CLCN3: variants seen among roughly 807,000 people sequenced by gnomAD.
CLCN3 encodes the protein H(+)/Cl(-) exchange transporter 3.
Under a neutral mutation model 83.4 loss-of-function variants are expected in CLCN3, and 16 were observed. The ratio of observed to expected loss-of-function variants is 0.19; its 90% CI spans 0.13 to 0.29. The LOEUF is 0.29. Among genes scored for constraint, CLCN3 ranks in the 10% least tolerant of loss-of-function variants. The probability of loss-of-function intolerance (pLI) is 1.00; values close to 1 mark genes in which losing one functional copy is unlikely to be tolerated. For missense variants in CLCN3, 544 were observed against 1,006.0 expected, an observed-to-expected ratio of 0.54 and a Z score of 6.21; for synonymous variants, 322 against 346.2, an observed-to-expected ratio of 0.93 and a Z score of 0.78.
At chr4:169,686,115 T>C (rs1315007799) in intron 3 of CLCN3, among the ~76,000 whole-genome samples, 2 of 151,982 alleles carry the variant, frequency 1.3e-5, no homozygotes, top group African/African-American at 4.8e-5. Flanking sequence ...TAGGTGGGAA[T>C]TGAACAATGA....
At chr4:169,691,949 T>C (rs1457796368) in intron 6 of CLCN3, among the ~76,000 whole-genome samples, 165 bp from the exon 7 acceptor site, 1 of 152,200 alleles carries the variant, frequency 6.6e-6, no homozygotes, top group Non-Finnish European at 1.5e-5. Context: ...ATTTATTATA[T>C]GTAGCATAAT....
chr4:169,662,279 G>C (rs1731082979), intron 2 of CLCN3, among the ~76,000 whole-genome samples: 1 of 152,060 alleles, frequency 6.6e-6, no homozygotes. Flanking sequence ...CCCTTGATGA[G>C]ACTTATTCTA....
intron 2 of CLCN3, among the ~76,000 whole-genome samples, chr4:169,651,888 A>G (rs990204741): frequency 3.9e-5 from 6 of 152,178 alleles, no homozygotes; most frequent in African/African-American, 1.4e-4. Context: ...CATTGAAGTC[A>G]GTTTAGATGC....
intron 2 of CLCN3, among the ~76,000 whole-genome samples, chr4:169,671,583 C>A (rs112202884): frequency 0.091 from 13,886 of 152,134 alleles, 660 homozygotes; most frequent in African/African-American, 0.12. Context: ...CCTGCACATT[C>A]TGAACATGTA....
chr4:169,635,943 G>C lies in CLCN3; in HGVS notation c.15G>C (p.Gln5His). Residue 5 changes from glutamine (Q) to histidine (H), a missense_variant, in exon 2 of 13, where the codon CAG (glutamine) becomes CAC (histidine). By Grantham distance (24) the Gln-to-His change is conservative. Transcript: ENST00000513761. ...CAGACAGCTAAATGGAGTCTGAGCA[G>C]CTGTTCCATAGAGGCTACTATAGAA... MESE[Q>H]LFHRGYYRNS... 6.3e-7 allele frequency: 1 copy of C among 1,596,712 alleles called. No individual in the cohort carries two copies. The highest frequency in any genetic ancestry group is 8.5e-7 in the Non-Finnish European group (1 of 1,171,392).
At position 169,706,991 on chromosome 4, in the gene CLCN3, G is replaced by A. The variant is rs1303661798; in HGVS notation, c.1874G>A (p.Gly625Asp). The change falls in exon 11 of 13, where the codon GGC becomes GAC. Residue 625 changes from glycine (G) to aspartate (D), a missense_variant. This residue lies in a region of CLCN3 where 27 missense variants were observed against 100.2 expected (regional missense o/e 0.27). Coordinates refer to ENST00000513761, the MANE Select transcript of CLCN3 (RefSeq NM_001829.4). ...AGTAAATGGGTTGGAGATGCCTTTG[G>A]CAGGGAAGGCATTTATGAAGCACAC... is the stretch of plus-strand genomic sequence containing the variant. Reference protein sequence around the residue: ...MTSKWVGDAFGREGIYEAHIR... With the variant: ...MTSKWVGDAFDREGIYEAHIR... The A allele has an allele frequency of 6.8e-6, 11 of 1,614,118 alleles. No individual in the cohort carries two copies. Among genetic ancestry groups the A allele is most frequent in the Non-Finnish European group, 9.3e-6 (11 of 1,180,002 alleles).
chr4:169,720,303 C>T lies in CLCN3; in HGVS notation c.*306C>T. On this transcript the variant is annotated 3_prime_UTR_variant, in exon 13 of 13. Coordinates refer to ENST00000513761, the MANE Select transcript of CLCN3 (RefSeq NM_001829.4). Reference sequence around the variant, plus strand: ...CTGAGGATGTGCCTGATAGTGCAGGCTTGCGCCTCAACAGAGATGACAGCA... The same window carrying T: ...CTGAGGATGTGCCTGATAGTGCAGGTTTGCGCCTCAACAGAGATGACAGCA... The T allele has an allele frequency of 2.5e-6, 1 of 404,978 alleles. No homozygotes were observed. 25.1% of individuals were successfully genotyped at this position (404,978 alleles called of 1,614,324 possible). A position where few individuals can be genotyped will look rare whatever the true frequency, so the allele number is the denominator to read the frequency against.
At chr4:169,699,807 A>G (rs1377582944) in intron 9 of CLCN3, among the ~76,000 whole-genome samples, 2 of 152,148 alleles carry the variant, frequency 1.3e-5, no homozygotes. Context: ...ACTTAAACCC[A>G]GGAGGTGGAG....
intron 11 of CLCN3, among the ~76,000 whole-genome samples, chr4:169,711,983 G>T (rs1177712080): frequency 6.6e-6 from 1 of 150,500 alleles, no homozygotes; most frequent in African/African-American, 2.4e-5. Flanking sequence ...TTCCACCTCA[G>T]CCTCCCAATT....
At chr4:169,692,949 GT>G (rs1732426527) in intron 7 of CLCN3, among the ~76,000 whole-genome samples, 1 of 152,128 alleles carries the variant, frequency 6.6e-6, no homozygotes, top group Admixed American at 6.5e-5. Flanking sequence ...TTCCTCTGAT[GT>G]TTCCATATTG....
At chr4:169,636,735 G>GTTTTTTT (rs67900605) in intron 2 of CLCN3, among the ~76,000 whole-genome samples, 3 of 119,528 alleles carry the variant, frequency 2.5e-5, no homozygotes, top group African/African-American at 8.9e-5. Context: ...TCATTATTTG[G>GTTTTTTT]TTTTTTTTTT....
chr4:169,703,055 C>T (rs958677800), intron 9 of CLCN3, among the ~76,000 whole-genome samples: 8 of 152,170 alleles, frequency 5.3e-5, no homozygotes, highest in Non-Finnish European at 1.0e-4. Context: ...TCACTTTCTT[C>T]TATGGGCATG....
intron 3 of CLCN3, among the ~76,000 whole-genome samples, chr4:169,687,198 G>A (rs568008252): frequency 6.6e-6 from 1 of 152,112 alleles, no homozygotes; most frequent in Non-Finnish European, 1.5e-5. Context: ...ACCAATTGAG[G>A]TTCAAATTTG....
intron 7 of CLCN3, among the ~76,000 whole-genome samples, chr4:169,693,320 C>T (rs554029044): frequency 6.6e-5 from 10 of 152,186 alleles, no homozygotes; most frequent in African/African-American, 2.4e-4. Context: ...ATTGTGATTC[C>T]AGTACTTTAT....
At chr4:169,687,782 CT>C in intron 4 of CLCN3, 25 bp downstream of exon 4, 5 of 1,329,044 alleles carry the variant, frequency 3.8e-6, no homozygotes, top group South Asian at 1.3e-5. Flanking sequence ...TCAAGCAATC[CT>C]TTTTTAGTTA....
chr4:169,705,496 G>A (rs1732954630), intron 10 of CLCN3, among the ~76,000 whole-genome samples: 1 of 152,138 alleles, frequency 6.6e-6, no homozygotes, highest in South Asian at 2.1e-4. Context: ...TATATAAAAA[G>A]TAATAACACC....
intron 12 of CLCN3, among the ~76,000 whole-genome samples, chr4:169,717,448 A>G (rs1328010471): frequency 6.6e-6 from 1 of 152,138 alleles, no homozygotes; most frequent in Non-Finnish European, 1.5e-5. Flanking sequence ...TGTAAATGAA[A>G]CTCTACATAT....
At chr4:169,628,033 G>A (rs1371376648) in intron 1 of CLCN3, among the ~76,000 whole-genome samples, 2 of 152,194 alleles carry the variant, frequency 1.3e-5, no homozygotes, top group African/African-American at 4.8e-5. Flanking sequence ...CATGAAAACA[G>A]TTCAACGGAG....
chr4:169,704,880 T>G (rs1732930396), intron 10 of CLCN3, among the ~76,000 whole-genome samples: 1 of 152,204 alleles, frequency 6.6e-6, no homozygotes, highest in East Asian at 1.9e-4. Flanking sequence ...TATTGATCTT[T>G]AAAAATGTAA....
Sources: allele counts gnomAD v4.1 joint callset (sites outside exome capture counted in the v4.1 genomes callset), GRCh38; gene constraint gnomAD v4.1.1; regional missense constraint gnomAD v4.1.1; transcripts MANE v1.5; gene names NCBI Gene and HGNC (gene_info 2026-07-23, HGNC 2026-07-21).